The following RIPOR1 variants were observed in gnomAD, a reference collection of about 807,000 sequenced individuals.
The protein encoded by RIPOR1 is rho family-interacting cell polarization regulator 1.
RIPOR1 carries 58 observed loss-of-function variants against 116.5 expected under a neutral mutation model. The ratio of observed to expected loss-of-function variants is 0.50; its 90% CI spans 0.40 to 0.62. RIPOR1 has a LOEUF of 0.62. RIPOR1 is among the 20% of genes least tolerant of loss of function. The pLI, the probability that RIPOR1 is intolerant of heterozygous loss-of-function variation, is 0.00. For missense variants in RIPOR1, 1,372 were observed against 1,586.2 expected (o/e 0.86, Z 2.29); for synonymous variants, 605 against 650.0 (o/e 0.93, Z 1.05).
At chr16:67,521,287 A>G (rs909146933) in intron 1 of RIPOR1, among the ~76,000 whole-genome samples, 2 of 152,188 alleles carry the variant, frequency 1.3e-5, no homozygotes, top group African/African-American at 4.8e-5. Context: ...TCTTAGGAGC[A>G]GAGTCGGGTT....
In RIPOR1 at chr16:67,531,176, G is replaced by A. The variant is rs562139244; in HGVS notation, c.-24+2262G>A. Among the ~76,000 whole-genome samples the A allele has an allele frequency of 3.3e-3, 497 of 152,106 alleles. 1 individual carries two copies. The highest frequency in any genetic ancestry group is 5.6e-3 in the Non-Finnish European group (380 of 67,986). On this transcript the variant is annotated intron_variant, in intron 1 of 21. Coordinates refer to ENST00000042381, the MANE Select transcript of RIPOR1 (RefSeq NM_024519.4). The surrounding 1 kb of genome is among the most constrained non-coding windows in gnomAD (Gnocchi z 4.2). ...AGAGCCCCACTTGCTGATGGTATAC[G>A]ATACCATCAGCCAGTGGGAAGGGAG...
At position 67,543,575 on chromosome 16, in the gene RIPOR1, G is replaced by A. The variant is rs1567576877; in HGVS notation, c.2600+106G>A. On this transcript the variant is annotated intron_variant, in intron 14 of 21. Coordinates refer to ENST00000042381, the MANE Select transcript of RIPOR1 (RefSeq NM_024519.4). This position sits in a 1 kb window ranked among gnomAD's most constrained non-coding sequence, Gnocchi z 4.7. The stretch of plus-strand genomic sequence containing the variant: ...GAATTGGGAGAAAGTCAAAGGACAG[G>A]ACAGGTGAGGCAGGGCCAGGTGGAG... The A allele has an allele frequency of 1.3e-6, 2 of 1,488,196 alleles. No individual in the cohort carries two copies. The highest frequency in any genetic ancestry group is 4.0e-5 in the Admixed American group (2 of 50,208). The allele number at this position is 1,488,196 out of a possible 1,614,324, so 92.2% of individuals were successfully genotyped here.
chr16:67,546,373 G>A lies in RIPOR1; in HGVS notation c.3570G>A (p.Glu1190=), dbSNP rs985766895. ...CATCCTCACTCATTACAGGAGAAGA[G>A]GGACAGTCTGCCCATCGACGGCTGG... ...ARQSLQQCGE[E]GQSAHRRLEE... is the part of the protein sequence containing the mutation. The change falls in exon 22 of 22, where the codon GAG becomes GAA. Residue 1190 remains glutamate, a synonymous_variant. Coordinates refer to ENST00000042381, the MANE Select transcript of RIPOR1 (RefSeq NM_024519.4). 1.6e-5 allele frequency: 26 copies of A among 1,614,024 alleles called. No individual in the cohort carries two copies. Among genetic ancestry groups the A allele is most frequent in the Non-Finnish European group, 2.2e-5 (26 of 1,179,994 alleles).
At position 67,539,887 on chromosome 16, in the gene RIPOR1, C is replaced by T; in HGVS notation, c.402C>T (p.Phe134=). Residue 134 remains phenylalanine, a synonymous_variant, in exon 6 of 22, where the codon TTC becomes TTT. Coordinates refer to ENST00000042381, the MANE Select transcript of RIPOR1 (RefSeq NM_024519.4). The part of the protein sequence containing the change: ...SIERFLRRLE[F]HASKIDELYE... ...AACGCTTCCTGCGACGACTGGAGTT[C>T]CATGCCAGCAAGGTACGAGTGCAGC... 1 of 1,614,166 alleles carries T rather than the reference C, an allele frequency of 6.2e-7. No homozygotes were observed. Among genetic ancestry groups the T allele is most frequent in the Non-Finnish European group, 8.5e-7 (1 of 1,180,016 alleles).
At chr16:67,534,835 C>CTTT (rs553858194) in intron 1 of RIPOR1, among the ~76,000 whole-genome samples, 235 of 79,010 alleles carry the variant, frequency 3.0e-3, no homozygotes, top group African/African-American at 4.7e-3. Flanking sequence ...TTCTTTTTTT[C>CTTT]TTTTTTTTTT....
chr16:67,542,952 C>A lies in RIPOR1; in HGVS notation c.2166C>A (p.Pro722=). ...NSYTQADPMA[P]RTPHPSPAHS... ...ACACTCAGGCAGACCCTATGGCCCC[C>A]AGAACTCCCCACCCAAGTCCTGCCC... Residue 722 remains proline (P), a synonymous_variant, in exon 13 of 22, where the codon CCC becomes CCA. Transcript: ENST00000042381. This position sits in a 1 kb window ranked among gnomAD's most constrained non-coding sequence, Gnocchi z 4.6. 1 of 1,585,812 alleles carries A rather than the reference C, an allele frequency of 6.3e-7. No homozygotes were observed. The highest frequency in any genetic ancestry group is 8.6e-7 in the Non-Finnish European group (1 of 1,164,802).
At chr16:67,522,799 A>C (rs1427190634) in intron 1 of RIPOR1, among the ~76,000 whole-genome samples, 1 of 147,844 alleles carries the variant, frequency 6.8e-6, no homozygotes, top group South Asian at 2.2e-4. Context: ...CAGCCCCCCA[A>C]CCCCCCGCCT....
chr16:67,530,048 C>T lies in RIPOR1; in HGVS notation c.-24+1134C>T, dbSNP rs895864768. On this transcript the variant is annotated intron_variant, in intron 1 of 21. Coordinates refer to ENST00000042381, the MANE Select transcript of RIPOR1 (RefSeq NM_024519.4). The surrounding 1 kb of genome is among the most constrained non-coding windows in gnomAD (Gnocchi z 4.5). Reference sequence around the variant, plus strand: ...TAGCTCCTTCTTCCACCGCCCTCTCCGGCTTGGGTCCTGTGACTGCGGCGG... The same window carrying T: ...TAGCTCCTTCTTCCACCGCCCTCTCTGGCTTGGGTCCTGTGACTGCGGCGG... 4.8e-6 allele frequency: 3 copies of T among 625,472 alleles called. No homozygotes were observed. Among genetic ancestry groups the T allele is most frequent in the East Asian group, 5.5e-5 (2 of 36,180 alleles). 38.7% of individuals were successfully genotyped at this position (625,472 alleles called of 1,614,324 possible). A position where few individuals can be genotyped will look rare whatever the true frequency, so the allele number is the denominator to read the frequency against.
chr16:67,544,265 G>A lies in RIPOR1; in HGVS notation c.2601-34G>A, dbSNP rs77463232. 80,367 of 1,577,954 alleles carry A rather than the reference G, an allele frequency of 0.051. 2,253 individuals are homozygous for A. Among genetic ancestry groups the A allele is most frequent in the Non-Finnish European group, 0.058 (66,473 of 1,154,282 alleles). On this transcript the variant is annotated intron_variant, in intron 14 of 21. Transcript: ENST00000042381. This position sits in a 1 kb window ranked among gnomAD's most constrained non-coding sequence, Gnocchi z 5.1. ...CGCTGGTGACCAGGTGGTGATGTGT[G>A]CCTGTGGGGTGGTGGACCCCATTTT...
chr16:67,540,015 T>C lies in RIPOR1; in HGVS notation c.415-38T>C. Reference sequence around the variant, plus strand: ...AGAGGTGAGTAACCCCAGAGGTGAGTCTCAGTCCCCCTACTGTCACCCCAC... The same window carrying C: ...AGAGGTGAGTAACCCCAGAGGTGAGCCTCAGTCCCCCTACTGTCACCCCAC... On this transcript the variant is annotated intron_variant, in intron 6 of 21. Coordinates refer to ENST00000042381, the MANE Select transcript of RIPOR1 (RefSeq NM_024519.4). The surrounding 1 kb of genome is among the most constrained non-coding windows in gnomAD (Gnocchi z 4.7). 2 of 1,613,490 alleles carry C rather than the reference T, an allele frequency of 1.2e-6. No individual in the cohort carries two copies. Among genetic ancestry groups the C allele is most frequent in the Non-Finnish European group, 8.5e-7 (1 of 1,179,794 alleles).
At position 67,531,535 on chromosome 16, in the gene RIPOR1, G is replaced by A. The variant is rs1222519733; in HGVS notation, c.-24+2621G>A. ...GCTTCCTGGAGGAAGAAGTCATAGG[G>A]TAGACTTGAGGAAGGAGAGGGACTT... On this transcript the variant is annotated intron_variant, in intron 1 of 21. Transcript: ENST00000042381. The surrounding 1 kb of genome is among the most constrained non-coding windows in gnomAD (Gnocchi z 4.2). The A allele has an allele frequency of 2.3e-6, 1 of 440,506 alleles. No individual in the cohort carries two copies. Among genetic ancestry groups the A allele is most frequent in the East Asian group, 7.3e-5 (1 of 13,704 alleles). 27.3% of individuals were successfully genotyped at this position (440,506 alleles called of 1,614,324 possible). A position where few individuals can be genotyped will look rare whatever the true frequency, so the allele number is the denominator to read the frequency against.
Position 67,537,730 on chromosome 16 carries a change from G to A in RIPOR1, c.-23-694G>A, listed in dbSNP as rs570194196. 3,277 of 519,636 alleles carry A rather than the reference G, an allele frequency of 6.3e-3. 25 individuals carry two copies. Among genetic ancestry groups the A allele is most frequent in the South Asian group, 0.025 (378 of 15,326 alleles). The allele number at this position is 519,636 out of a possible 1,614,324, so 32.2% of individuals were successfully genotyped here. On this transcript the variant is annotated intron_variant, in intron 1 of 21. Transcript: ENST00000042381. This position sits in a 1 kb window ranked among gnomAD's most constrained non-coding sequence, Gnocchi z 4.6. The stretch of plus-strand genomic sequence containing the variant: ...CCGAGGAGCTCTCCCCGCCGATGCC[G>A]GGGTGGAGGCGCACGTCCGTGACTC...
intron 1 of RIPOR1, 40 bp downstream of exon 1, chr16:67,528,954 G>A: frequency 5.4e-6 from 1 of 184,318 alleles, no homozygotes; most frequent in Non-Finnish European, 1.2e-5. Context: ...CAGGCCGGGC[G>A]GGGAGCAGGC....
chr16:67,537,674 G>A lies in RIPOR1; in HGVS notation c.-23-750G>A, dbSNP rs1321900884. The stretch of plus-strand genomic sequence containing the variant: ...CAGGCCGGGTTTGGGGGCCAGGAGT[G>A]TGTGTTTCGCCGAAGCGGGGTGGGG... On this transcript the variant is annotated intron_variant, in intron 1 of 21. Coordinates refer to ENST00000042381, the MANE Select transcript of RIPOR1 (RefSeq NM_024519.4). The surrounding 1 kb of genome is among the most constrained non-coding windows in gnomAD (Gnocchi z 4.6). 2 of 1,054,766 alleles carry A rather than the reference G, an allele frequency of 1.9e-6. No individual in the cohort carries two copies. Among genetic ancestry groups the A allele is most frequent in the African/African-American group, 1.7e-5 (1 of 60,506 alleles). 65.3% of individuals were successfully genotyped at this position (1,054,766 alleles called of 1,614,324 possible).
exon 1 of RIPOR1, chr16:67,518,477 A>G (rs1324377287): frequency 6.6e-6 from 1 of 152,212 alleles, no homozygotes; most frequent in Non-Finnish European, 1.5e-5. Context: ...GGCTCTCAAG[A>G]GCCTGGGCTG....
At chr16:67,532,870 T>C (rs1326824170) in intron 1 of RIPOR1, among the ~76,000 whole-genome samples, 1 of 152,224 alleles carries the variant, frequency 6.6e-6, no homozygotes, top group Non-Finnish European at 1.5e-5. Context: ...TCAGTGTTGT[T>C]ACTGAATAAT....
rs879148900 is a variant in RIPOR1 at position 67,539,816 on chromosome 16, C to T, written c.361-30C>T. 5 of 1,614,194 alleles carry T rather than the reference C, an allele frequency of 3.1e-6. No individual in the cohort carries two copies. The South Asian group carries it at 3.3e-5, about 11-fold the overall frequency. ...CAGGGAGGGTAAGGACCCTGGGCCT[C>T]AGGCCCCTCCTGACCCACCTCTCCC... On this transcript the variant is annotated intron_variant, in intron 5 of 21. Coordinates refer to ENST00000042381, the MANE Select transcript of RIPOR1 (RefSeq NM_024519.4).
At position 67,529,860 on chromosome 16, in the gene RIPOR1, G is replaced by T. The variant is rs1327651709; in HGVS notation, c.-24+946G>T. The T allele has an allele frequency of 6.6e-7, 1 of 1,518,562 alleles. No individual in the cohort carries two copies. The highest frequency in any genetic ancestry group is 8.8e-7 in the Non-Finnish European group (1 of 1,131,006). The allele number at this position is 1,518,562 out of a possible 1,614,324, so 94.1% of individuals were successfully genotyped here. ...CAGATGCAGAAACAGGCCCAGAGAG[G>T]TTAGTAGTATTCTCAAGGTCACACA... On this transcript the variant is annotated intron_variant, in intron 1 of 21. Coordinates refer to ENST00000042381, the MANE Select transcript of RIPOR1 (RefSeq NM_024519.4). The surrounding 1 kb of genome is among the most constrained non-coding windows in gnomAD (Gnocchi z 4.1).
intron 1 of RIPOR1, among the ~76,000 whole-genome samples, chr16:67,523,651 A>C (rs1323240049): frequency 6.6e-6 from 1 of 150,666 alleles, no homozygotes; most frequent in Non-Finnish European, 1.5e-5. Flanking sequence ...TGCACTTGCC[A>C]TCCTGATAAA....
Sources: allele counts gnomAD v4.1 joint callset (sites outside exome capture counted in the v4.1 genomes callset), GRCh38; gene constraint gnomAD v4.1.1; non-coding constraint Gnocchi (gnomAD v3.1); transcripts MANE v1.5; gene names NCBI Gene and HGNC (gene_info 2026-07-23, HGNC 2026-07-21).